MICAL2: variants seen among roughly 807,000 people sequenced by gnomAD.
The protein encoded by MICAL2 is microtubule associated monooxygenase, calponin and LIM domain containing 2.
Under a neutral mutation model 127.3 loss-of-function variants are expected in MICAL2, and 77 were observed. The ratio of observed to expected loss-of-function variants is 0.60; its 90% confidence interval spans 0.50 to 0.73. MICAL2 has a LOEUF of 0.73. MICAL2 is among the 30% of genes least tolerant of loss of function. The probability of loss-of-function intolerance (pLI) is 0.00; values close to 1 mark genes in which losing one functional copy is unlikely to be tolerated. For missense variants in MICAL2, 1,351 were observed against 1,434.4 expected (o/e 0.94, Z 0.94); for synonymous variants, 570 against 551.1 (o/e 1.03, Z -0.48).
At chr11:12,204,632 G>T (rs531914844) in intron 4 of MICAL2, among the ~76,000 whole-genome samples, 175 bp downstream of exon 4, 96 of 152,248 alleles carry the variant, frequency 6.3e-4, no homozygotes, top group African/African-American at 2.0e-3. Flanking sequence ...CTGGGCCCTG[G>T]GTTATCCCCC....
At chr11:12,259,635 C>T (rs1372789969) in intron 25 of MICAL2, 160 bp from the exon 26 acceptor site, 24 of 589,516 alleles carry the variant, frequency 4.1e-5, no homozygotes, top group Non-Finnish European at 5.3e-5. Context: ...GAAAAGTGCC[C>T]GTGTTCAGCA....
At chr11:12,241,500 A>G (rs2279614) in intron 18 of MICAL2, among the ~76,000 whole-genome samples, 25,879 of 152,228 alleles carry the variant, frequency 0.17, 2,320 homozygotes, top group South Asian at 0.28. Flanking sequence ...GCTGATTTCC[A>G]TATCAATGAA....
chr11:12,351,024 G>T (rs985509417), intron 33 of MICAL2, among the ~76,000 whole-genome samples: 1 of 152,156 alleles, frequency 6.6e-6, no homozygotes, highest in Non-Finnish European at 1.5e-5. Flanking sequence ...CTGTGTGTCT[G>T]TGTCTTCTCT....
chr11:12,313,960 G>GGTTTTTTTT (rs1864202578), intron 29 of MICAL2, among the ~76,000 whole-genome samples: 1 of 20,488 alleles, frequency 4.9e-5, no homozygotes, highest in African/African-American at 1.8e-4. Flanking sequence ...GTCTTGGTCT[G>GGTTTTTTTT]ATTTTTTTTT....
At chr11:12,163,190 C>T (rs1192243445) in intron 3 of MICAL2, among the ~76,000 whole-genome samples, 1 of 152,226 alleles carries the variant, frequency 6.6e-6, no homozygotes, top group Non-Finnish European at 1.5e-5. Flanking sequence ...GGCTCACTAT[C>T]GCAACCTTTC....
chr11:12,239,119 G>A (rs1442752723), intron 16 of MICAL2, among the ~76,000 whole-genome samples: 4 of 152,198 alleles, frequency 2.6e-5, no homozygotes, highest in Non-Finnish European at 1.5e-5. Flanking sequence ...GTAGATTACT[G>A]TTCTCATTTT....
At chr11:12,349,884 G>C in exon 33 of MICAL2, 1 of 1,614,156 alleles carries the variant, frequency 6.2e-7, no homozygotes, top group Non-Finnish European at 8.5e-7. Context: ...AATGGTTTAA[G>C]CTGGTTCTGG....
downstream of MICAL2, chr11:12,294,959 A>C: frequency 2.2e-6 from 3 of 1,350,738 alleles, no homozygotes; most frequent in South Asian, 2.2e-5. Flanking sequence ...TTTGCTTCTC[A>C]AATACTAACA....
chr11:12,110,702 G>C lies in MICAL2; in HGVS notation c.-173G>C, dbSNP rs1378545982. On this transcript the variant is annotated 5_prime_UTR_variant, in exon 1 of 28. Transcript: ENST00000683283. The surrounding 1 kb of genome is among the most constrained non-coding windows in gnomAD (Gnocchi z 4.5). ...CAGGGCCGAGGCAGGCCTGACCCGG[G>C]GCCGGGCAGCCCGCGCGACTTTCGG... 6.6e-6 allele frequency: 1 copy of C among 151,580 alleles called. No homozygotes were observed. The highest frequency in any genetic ancestry group is 1.9e-4 in the East Asian group (1 of 5,130). The allele number at this position is 151,580 out of a possible 1,614,324, so 9.4% of individuals were successfully genotyped here. A position where few individuals can be genotyped will look rare whatever the true frequency, so the allele number is the denominator to read the frequency against.
At chr11:12,231,363 C>G (rs73418136) in intron 15 of MICAL2, among the ~76,000 whole-genome samples, 9,373 of 152,282 alleles carry the variant, frequency 0.062, 429 homozygotes, top group East Asian at 0.28. Context: ...TCCTCCAGCA[C>G]TGGTCCCTGA....
chr11:12,221,584 T>A (rs1167663409), intron 9 of MICAL2, 60 bp from the exon 10 acceptor site: 7 of 1,220,594 alleles, frequency 5.7e-6, no homozygotes, highest in Non-Finnish European at 8.4e-6. Context: ...CTGGGTCCAA[T>A]GAGATCATAG....
chr11:12,204,156 G>C (rs911975720), intron 3 of MICAL2, 94 bp from the exon 4 acceptor site: 2 of 1,218,310 alleles, frequency 1.6e-6, no homozygotes, highest in Admixed American at 1.8e-5. Flanking sequence ...TTCAGGAAGA[G>C]TGGGATTTGC....
chr11:12,287,908 C>T (rs1863846713), downstream of MICAL2, among the ~76,000 whole-genome samples: 1 of 152,198 alleles, frequency 6.6e-6, no homozygotes, highest in Non-Finnish European at 1.5e-5. Context: ...TCCCCCCACA[C>T]CCACTCCCTC....
At chr11:12,141,091 G>C (rs1014123221) in intron 2 of MICAL2, among the ~76,000 whole-genome samples, 3 of 152,082 alleles carry the variant, frequency 2.0e-5, no homozygotes, top group Non-Finnish European at 4.4e-5. Flanking sequence ...ATATCCGCTG[G>C]GTCTGCTCTT....
At chr11:12,329,235 A>C (rs1864387248) in intron 32 of MICAL2, among the ~76,000 whole-genome samples, 1 of 152,240 alleles carries the variant, frequency 6.6e-6, no homozygotes, top group Non-Finnish European at 1.5e-5. Context: ...TATTACAAAT[A>C]TAAAGAGTTT....
At chr11:12,227,576 A>G (rs866753452) in intron 15 of MICAL2, among the ~76,000 whole-genome samples, 17 of 152,324 alleles carry the variant, frequency 1.1e-4, no homozygotes, top group Middle Eastern at 6.8e-3. Context: ...CAACAAATAT[A>G]TATTGGGCTC....
intron 2 of MICAL2, among the ~76,000 whole-genome samples, chr11:12,157,785 G>A (rs1361437638): frequency 6.6e-6 from 1 of 152,158 alleles, no homozygotes; most frequent in Admixed American, 6.5e-5. Flanking sequence ...TGGAAGAAAG[G>A]TTTGAAGCTC....
At chr11:12,248,986 C>A (rs957645355) in intron 21 of MICAL2, among the ~76,000 whole-genome samples, 198 bp from the exon 22 acceptor site, 1 of 152,156 alleles carries the variant, frequency 6.6e-6, no homozygotes, top group Non-Finnish European at 1.5e-5. Flanking sequence ...AGTTTGTGAA[C>A]CTCTCTGAGC....
At chr11:12,295,402 A>G (rs1590726469), downstream of MICAL2, among the ~76,000 whole-genome samples, 1 of 145,976 alleles carries the variant, frequency 6.9e-6, no homozygotes, top group Non-Finnish European at 1.5e-5. Context: ...AACCTCCCAA[A>G]GTGTTGGGAT....
Sources: allele counts gnomAD v4.1 joint callset (sites outside exome capture counted in the v4.1 genomes callset), GRCh38; gene constraint gnomAD v4.1.1; non-coding constraint Gnocchi (gnomAD v3.1); transcripts MANE v1.5; gene names NCBI Gene and HGNC (gene_info 2026-07-23, HGNC 2026-07-21).